The following CDH2 variants were observed in gnomAD, a reference collection of about 807,000 sequenced individuals.
CDH2 encodes cadherin 2, also known as cadherin-2.
Under a neutral mutation model 92.0 loss-of-function variants are expected in CDH2, and 17 were observed. That is an observed-to-expected ratio of 0.18 (90% CI 0.13 to 0.28). The LOEUF is 0.28. Ranked by LOEUF, CDH2 falls within the 10% of genes least tolerant of loss-of-function variation. The probability of loss-of-function intolerance (pLI) is 1.00; values close to 1 mark genes in which losing one functional copy is unlikely to be tolerated. For synonymous variants in CDH2, 419 were observed against 415.9 expected, an observed-to-expected ratio of 1.01 and a Z score of -0.09; for missense variants, 862 against 1,133.1, an observed-to-expected ratio of 0.76 and a Z score of 3.44.
chr18:28,109,174 C>G (rs889272303), intron 2 of CDH2, among the ~76,000 whole-genome samples: 2 of 152,074 alleles, frequency 1.3e-5, no homozygotes, highest in African/African-American at 2.4e-5. Flanking sequence ...CTTAAAATGG[C>G]CAATCAAATT....
Position 28,152,464 on chromosome 18 carries a change from C to T in CDH2, c.61-4680G>A, listed in dbSNP as rs557575725. On this transcript the variant is annotated intron_variant, in intron 1 of 15. Coordinates refer to ENST00000269141, the MANE Select transcript of CDH2 (RefSeq NM_001792.5). Reference sequence around the variant, plus strand: ...AAGCCCAGGGCAGGGAATCTGGGGGCTTCCCAAGCAGAGAGCTGGAGTAGC... The same window carrying T: ...AAGCCCAGGGCAGGGAATCTGGGGGTTTCCCAAGCAGAGAGCTGGAGTAGC... Among the ~76,000 whole-genome samples, 394 of 152,228 alleles carry T rather than the reference C, an allele frequency of 2.6e-3. 6 individuals carry two copies. The highest frequency in any genetic ancestry group is 1.7e-3 in the Non-Finnish European group (113 of 68,018).
chr18:27,957,479 T>C (rs549231523), intron 15 of CDH2, among the ~76,000 whole-genome samples: 40 of 152,060 alleles, frequency 2.6e-4, no homozygotes, highest in South Asian at 8.3e-4. Flanking sequence ...CTCAAACTCC[T>C]AGGCTCAAGC....
At chr18:28,055,742 C>CTA (rs1367554591) in intron 2 of CDH2, among the ~76,000 whole-genome samples, 2 of 152,078 alleles carry the variant, frequency 1.3e-5, no homozygotes, top group Non-Finnish European at 2.9e-5. Flanking sequence ...AAACTAACTG[C>CTA]TATATATATA....
chr18:28,020,286 A>G (rs1302924268), intron 2 of CDH2, among the ~76,000 whole-genome samples: 2 of 152,108 alleles, frequency 1.3e-5, no homozygotes, highest in Admixed American at 6.6e-5. Context: ...TCTTAGGTAT[A>G]CCAGTAATAT....
In CDH2 at chr18:28,151,145, G is replaced by C. The variant is rs139023766; in HGVS notation, c.61-3361C>G. Among the ~76,000 whole-genome samples the C allele has an allele frequency of 1.1e-3, 166 of 152,336 alleles. 1 individual carries two copies. Among genetic ancestry groups the C allele is most frequent in the African/African-American group, 3.6e-3 (151 of 41,578 alleles). Reference sequence around the variant, plus strand: ...GAGCTGATGAGCAGAATCCCCTTAGGGGGGCTGACTGCACTGTGGTGGTAA... The same window carrying C: ...GAGCTGATGAGCAGAATCCCCTTAGCGGGGCTGACTGCACTGTGGTGGTAA... On this transcript the variant is annotated intron_variant, in intron 1 of 15. Transcript: ENST00000269141.
intron 2 of CDH2, among the ~76,000 whole-genome samples, chr18:28,030,134 T>C (rs2013656242): frequency 6.6e-6 from 1 of 152,090 alleles, no homozygotes. Flanking sequence ...CTAAAAGCCC[T>C]GGCATTATTA....
At chr18:28,038,627 GA>G (rs1304409383) in intron 2 of CDH2, among the ~76,000 whole-genome samples, 1 of 152,010 alleles carries the variant, frequency 6.6e-6, no homozygotes, top group African/African-American at 2.4e-5. Context: ...CTCTCAGGTA[GA>G]AAGTCATAGA....
chr18:28,155,927 T>A (rs2016203174), intron 1 of CDH2, among the ~76,000 whole-genome samples: 1 of 152,278 alleles, frequency 6.6e-6, no homozygotes, highest in African/African-American at 2.4e-5. Context: ...CACTTTTGAA[T>A]TTCACATCCC....
chr18:28,082,955 A>C (rs2014859723), intron 2 of CDH2, among the ~76,000 whole-genome samples: 1 of 152,188 alleles, frequency 6.6e-6, no homozygotes, highest in South Asian at 2.1e-4. Flanking sequence ...CAGTCAACGA[A>C]AGTAGCAGAG....
intron 2 of CDH2, among the ~76,000 whole-genome samples, chr18:28,054,307 G>C (rs11564316): frequency 0.25 from 38,452 of 151,954 alleles, 5,509 homozygotes; most frequent in African/African-American, 0.36. Flanking sequence ...AGTTAGACTG[G>C]CCACAGTGAA....
intron 6 of CDH2, among the ~76,000 whole-genome samples, chr18:27,937,057 A>G (rs1486883191): frequency 6.6e-6 from 1 of 152,240 alleles, no homozygotes; most frequent in Non-Finnish European, 1.5e-5. Flanking sequence ...TAAACTTCAT[A>G]TGAGGATAGC....
At chr18:27,939,314 A>G (rs1269727195) in intron 6 of CDH2, among the ~76,000 whole-genome samples, 2 of 152,108 alleles carry the variant, frequency 1.3e-5, no homozygotes, top group Non-Finnish European at 2.9e-5. Flanking sequence ...CATTACTTCT[A>G]TTTCAATCTG....
chr18:28,169,215 G>T (rs2016429569), intron 1 of CDH2, among the ~76,000 whole-genome samples: 1 of 152,134 alleles, frequency 6.6e-6, no homozygotes, highest in Non-Finnish European at 1.5e-5. Flanking sequence ...CTGCTCTACT[G>T]AGTTCTGTGA....
intron 2 of CDH2, among the ~76,000 whole-genome samples, chr18:28,130,448 A>C (rs2067772): frequency 0.23 from 35,103 of 152,236 alleles, 4,568 homozygotes; most frequent in Non-Finnish European, 0.3. Context: ...TACACATGTA[A>C]GTGCAGTATC....
chr18:28,043,439 C>T lies in CDH2; in HGVS notation c.173-29530G>A, dbSNP rs189116740. On this transcript the variant is annotated intron_variant, in intron 2 of 15. Coordinates refer to ENST00000269141, the MANE Select transcript of CDH2 (RefSeq NM_001792.5). ...CATATAACCAAAAACCACCTGTACC[C>T]TAAAAATTACTGATATAAATAAATA... Among the ~76,000 whole-genome samples the T allele has an allele frequency of 2.5e-3, 317 of 126,370 alleles. 3 individuals carry two copies. Among genetic ancestry groups the T allele is most frequent in the African/African-American group, 8.5e-3 (293 of 34,318 alleles). 82.9% of individuals were successfully genotyped at this position (126,370 alleles called of 152,430 possible).
At chr18:27,957,489 C>T (rs1000316400) in intron 15 of CDH2, among the ~76,000 whole-genome samples, 7 of 151,788 alleles carry the variant, frequency 4.6e-5, no homozygotes, top group African/African-American at 7.3e-5. Flanking sequence ...TAGGCTCAAG[C>T]GATCTGCCTG....
At chr18:28,081,404 A>T (rs1487914375) in intron 2 of CDH2, among the ~76,000 whole-genome samples, 2 of 152,144 alleles carry the variant, frequency 1.3e-5, no homozygotes, top group African/African-American at 2.4e-5. Flanking sequence ...ATCCATTTTT[A>T]AAAAAACAGA....
At chr18:28,116,216 A>AT (rs1207448930) in intron 2 of CDH2, among the ~76,000 whole-genome samples, 1 of 151,892 alleles carries the variant, frequency 6.6e-6, no homozygotes, top group Admixed American at 6.6e-5. Context: ...CGGTAGGTGT[A>AT]TTTTTTTTGA....
intron 2 of CDH2, among the ~76,000 whole-genome samples, chr18:28,112,403 A>G (rs1255081916): frequency 2.0e-5 from 3 of 152,220 alleles, no homozygotes; most frequent in Non-Finnish European, 4.4e-5. Flanking sequence ...TGTCTGGCTC[A>G]CAGCAGAGAT....
Sources: allele counts gnomAD v4.1 joint callset (sites outside exome capture counted in the v4.1 genomes callset), GRCh38; gene constraint gnomAD v4.1.1; transcripts MANE v1.5; gene names NCBI Gene and HGNC (gene_info 2026-07-23, HGNC 2026-07-21).